Variants in KCNH8 observed in about 807,000 individuals in gnomAD.
The protein encoded by KCNH8 is voltage-gated delayed rectifier potassium channel KCNH8.
In KCNH8, 70 loss-of-function variants were observed where a neutral mutation model predicts 103.6. That is an observed-to-expected ratio of 0.68 (90% confidence interval 0.56 to 0.82). The LOEUF is 0.82. Among genes scored for constraint, KCNH8 ranks in the 40% least tolerant of loss-of-function variants. KCNH8 has a pLI of 0.00. For missense variants in KCNH8, 1,217 were observed against 1,329.9 expected, an observed-to-expected ratio of 0.92 and a Z score of 1.32; for synonymous variants, 498 against 489.4, an observed-to-expected ratio of 1.02 and a Z score of -0.23.
Position 19,396,962 on chromosome 3 carries a change from C to T in KCNH8, c.1177+1651C>T, listed in dbSNP as rs368908816. Among the ~76,000 whole-genome samples, 5 of 152,014 alleles carry T rather than the reference C, an allele frequency of 3.3e-5. No homozygotes were observed. In the East Asian group the frequency reaches 9.7e-4, roughly 30 times the overall value. On this transcript the variant is annotated intron_variant, in intron 7 of 15. Transcript: ENST00000328405. The stretch of plus-strand genomic sequence containing the variant: ...TATACACTCATATTAATTTGTAAGT[C>T]TCGTCTGGTCTGAGAGTCTCCAGAT...
chr3:19,363,276 A>G (rs2065969670), intron 5 of KCNH8, among the ~76,000 whole-genome samples: 1 of 152,142 alleles, frequency 6.6e-6, no homozygotes, highest in Non-Finnish European at 1.5e-5. Context: ...ACAACATTAG[A>G]AGTAATCATT....
At chr3:19,164,019 A>G (rs1427188082) in intron 1 of KCNH8, among the ~76,000 whole-genome samples, 3 of 152,230 alleles carry the variant, frequency 2.0e-5, no homozygotes, top group Admixed American at 2.0e-4. Context: ...GGGAGAGTCA[A>G]AAGTTATATG....
At chr3:19,316,092 A>G (rs986593453) in intron 3 of KCNH8, among the ~76,000 whole-genome samples, 1 of 151,966 alleles carries the variant, frequency 6.6e-6, no homozygotes, top group African/African-American at 2.4e-5. Flanking sequence ...TTGGAAAAAA[A>G]TAAAATTATT....
At chr3:19,497,430 T>G (rs1268188139) in intron 11 of KCNH8, among the ~76,000 whole-genome samples, 1 of 152,166 alleles carries the variant, frequency 6.6e-6, no homozygotes, top group Non-Finnish European at 1.5e-5. Context: ...TCCCAAAGAT[T>G]CTGGTATGTT....
At chr3:19,459,233 CT>C (rs917618403) in intron 11 of KCNH8, among the ~76,000 whole-genome samples, 2 of 151,428 alleles carry the variant, frequency 1.3e-5, no homozygotes, top group Non-Finnish European at 1.5e-5. Flanking sequence ...GCAGGGGTTC[CT>C]TTTTTTTCAC....
At chr3:19,372,846 T>A (rs1287802124) in intron 5 of KCNH8, among the ~76,000 whole-genome samples, 2 of 151,932 alleles carry the variant, frequency 1.3e-5, no homozygotes, top group African/African-American at 4.8e-5. Context: ...TGTCAAAGGC[T>A]TTTTCTGCAT....
intron 3 of KCNH8, among the ~76,000 whole-genome samples, chr3:19,305,846 G>A (rs2065123136): frequency 6.6e-6 from 1 of 151,952 alleles, no homozygotes; most frequent in South Asian, 2.1e-4. Context: ...GCTGCAAAAC[G>A]AAGAGATGGA....
At chr3:19,272,496 T>C (rs991519651) in intron 2 of KCNH8, among the ~76,000 whole-genome samples, 1 of 152,034 alleles carries the variant, frequency 6.6e-6, no homozygotes, top group Non-Finnish European at 1.5e-5. Context: ...GAGGCAGGGT[T>C]GCTAAGACAG....
intron 11 of KCNH8, among the ~76,000 whole-genome samples, chr3:19,488,044 G>A (rs182108917): frequency 2.0e-5 from 3 of 152,238 alleles, no homozygotes; most frequent in East Asian, 1.9e-4. Context: ...TAATCCTGAC[G>A]GCAGGCTCCT....
chr3:19,423,848 G>A (rs1368083408), intron 7 of KCNH8, among the ~76,000 whole-genome samples: 1 of 152,060 alleles, frequency 6.6e-6, no homozygotes, highest in African/African-American at 2.4e-5. Context: ...GTTCTTTAAG[G>A]AATCTCCATA....
intron 11 of KCNH8, among the ~76,000 whole-genome samples, chr3:19,505,419 T>A (rs754661791): frequency 2.0e-5 from 3 of 152,116 alleles, no homozygotes; most frequent in Non-Finnish European, 4.4e-5. Flanking sequence ...TTTACCTACA[T>A]AATAAACGTG....
Position 19,341,593 on chromosome 3 carries a change from G to A in KCNH8, c.443-994G>A, listed in dbSNP as rs772153539. 2.2e-4 allele frequency among the ~76,000 whole-genome samples: 33 copies of A among 152,002 alleles called. 1 individual carries two copies. Among genetic ancestry groups the A allele is most frequent in the Admixed American group, 7.9e-4 (12 of 15,234 alleles). On this transcript the variant is annotated intron_variant, in intron 3 of 15. Coordinates refer to ENST00000328405, the MANE Select transcript of KCNH8 (RefSeq NM_144633.3). The stretch of plus-strand genomic sequence containing the variant: ...TGATGAGAAAATGGCCATTACTTTC[G>A]TATACAAAGAGCTATTGCAAATAAA...
At chr3:19,448,873 T>G (rs2067401251) in intron 8 of KCNH8, 6 of 627,186 alleles carry the variant, frequency 9.6e-6, no homozygotes, top group Non-Finnish European at 2.5e-6. Flanking sequence ...TGAATATTAC[T>G]TAGAGTTGAA....
At chr3:19,242,567 C>T (rs1040199239) in intron 1 of KCNH8, among the ~76,000 whole-genome samples, 1 of 152,192 alleles carries the variant, frequency 6.6e-6, no homozygotes, top group Non-Finnish European at 1.5e-5. Context: ...AATTCCCCCT[C>T]TCCCCCTAAA....
At chr3:19,478,644 A>G (rs1165639572) in intron 11 of KCNH8, among the ~76,000 whole-genome samples, 2 of 152,146 alleles carry the variant, frequency 1.3e-5, no homozygotes, top group African/African-American at 4.8e-5. Context: ...CTGGATCTCC[A>G]TTCAGTTTTC....
chr3:19,449,963 C>A (rs1196354350), intron 8 of KCNH8, 143 bp from the exon 9 acceptor site: 4 of 660,560 alleles, frequency 6.1e-6, no homozygotes, highest in Non-Finnish European at 1.0e-5. Flanking sequence ...TACCAAAATG[C>A]TTGTACCAAA....
intron 11 of KCNH8, among the ~76,000 whole-genome samples, chr3:19,495,397 ATCAATCTTCTTCATATGGCT>A (rs2068417780): frequency 6.6e-6 from 1 of 152,120 alleles, no homozygotes; most frequent in East Asian, 1.9e-4. Context: ...AGGGTCCAGT[ATCAATCTTCTTCATATGGCT>A]AGCCAGCTAT....
chr3:19,169,255 C>CTTTTTTTTTTTT (rs768036667), intron 1 of KCNH8, among the ~76,000 whole-genome samples: 3 of 124,960 alleles, frequency 2.4e-5, no homozygotes, highest in African/African-American at 3.2e-5. Context: ...TTCTTTCTTT[C>CTTTTTTTTTTTT]TTTTTTTTTT....
chr3:19,413,021 T>C (rs1003791699), intron 7 of KCNH8, among the ~76,000 whole-genome samples: 4 of 151,834 alleles, frequency 2.6e-5, no homozygotes, highest in Non-Finnish European at 5.9e-5. Flanking sequence ...TGGATATATA[T>C]CCAAAAGAAA....
Sources: allele counts gnomAD v4.1 joint callset (sites outside exome capture counted in the v4.1 genomes callset), GRCh38; gene constraint gnomAD v4.1.1; transcripts MANE v1.5; gene names NCBI Gene and HGNC (gene_info 2026-07-23, HGNC 2026-07-21).